Variants in TNPO3 observed in about 807,000 individuals in gnomAD.
TNPO3 encodes transportin-3.
Under a neutral mutation model 122.8 loss-of-function variants are expected in TNPO3, and 65 were observed. The ratio of observed to expected loss-of-function variants is 0.53; its 90% CI spans 0.43 to 0.65. The LOEUF is 0.65. Ranked by LOEUF, TNPO3 falls within the 30% of genes least tolerant of loss-of-function variation. The probability of loss-of-function intolerance (pLI) is 0.00; values close to 1 mark genes in which losing one functional copy is unlikely to be tolerated. For synonymous variants in TNPO3, 372 were observed against 411.2 expected, an observed-to-expected ratio of 0.90 and a Z score of 1.15; for missense variants, 850 against 1,136.7, an observed-to-expected ratio of 0.75 and a Z score of 3.63.
At chr7:128,995,048 C>T (rs552024026) in intron 8 of TNPO3, among the ~76,000 whole-genome samples, 3 of 152,326 alleles carry the variant, frequency 2.0e-5, no homozygotes, top group African/African-American at 7.2e-5. Context: ...GATCCTCCTG[C>T]CTTGGCCTTC....
intron 4 of TNPO3, among the ~76,000 whole-genome samples, chr7:129,009,842 G>T (rs925881110): frequency 6.6e-6 from 1 of 152,194 alleles, no homozygotes; most frequent in Non-Finnish European, 1.5e-5. Context: ...ACCAAACTTA[G>T]TTGTGTGACT....
chr7:128,988,812 C>T (rs1800446820), intron 11 of TNPO3, among the ~76,000 whole-genome samples: 2 of 152,186 alleles, frequency 1.3e-5, no homozygotes, highest in African/African-American at 4.8e-5. Context: ...GGCGTGGTGG[C>T]TCACGCCTGT....
chr7:128,972,137 C>A lies in TNPO3; in HGVS notation c.2430+289G>T, dbSNP rs372005150. Among the ~76,000 whole-genome samples the A allele has an allele frequency of 5.3e-5, 8 of 152,326 alleles. No homozygotes were observed. The East Asian group carries it at 1.3e-3, about 26-fold the overall frequency. ...CTGTTTCAAAAACAAATGAAAAACA[C>A]CAAACACTGGCATCTTGTTGTTACT... On this transcript the variant is annotated intron_variant, in intron 19 of 22. Coordinates refer to ENST00000265388, the MANE Select transcript of TNPO3 (RefSeq NM_012470.4).
chr7:129,049,411 G>A (rs1808440851), intron 1 of TNPO3, among the ~76,000 whole-genome samples: 1 of 152,192 alleles, frequency 6.6e-6, no homozygotes, highest in African/African-American at 2.4e-5. Context: ...CAAATTGGAG[G>A]GGAAAGGTGA....
chr7:129,055,951 C>T (rs1167205291), upstream of TNPO3: 1 of 684,254 alleles, frequency 1.5e-6, no homozygotes, highest in African/African-American at 1.8e-5. Flanking sequence ...GCCTAACAAC[C>T]TTGCCAAGTA....
chr7:128,990,685 T>C (rs892793256), intron 10 of TNPO3, among the ~76,000 whole-genome samples: 4 of 152,222 alleles, frequency 2.6e-5, no homozygotes, highest in Non-Finnish European at 5.9e-5. Flanking sequence ...TGCCCCGATT[T>C]GGAACATGAG....
chr7:129,005,239 A>C, intron 4 of TNPO3, 80 bp from the exon 5 acceptor site: 1 of 1,275,738 alleles, frequency 7.8e-7, no homozygotes, highest in Non-Finnish European at 1.1e-6. Context: ...TACAAGTATA[A>C]TAATGAGAAA....
chr7:128,986,830 CA>C lies in TNPO3; in HGVS notation c.1588del (p.Cys530AlafsTer33). On this transcript the variant is annotated frameshift_variant, in exon 12 of 23. Coordinates refer to ENST00000265388, the MANE Select transcript of TNPO3 (RefSeq NM_012470.4). LOFTEE classifies it high-confidence loss of function. ...AAAGTGCTGAGCCATGTGATCTCGG[CA>C]GACAGAGCAAATGTTATGAATGGCT... ...AKAIHNICSVCRDHMAQHFNG... is the reference protein window; with the variant it reads ...AKAIHNICSVXRDHMAQHFNG... 6.2e-7 allele frequency: 1 copy of C among 1,614,106 alleles called. No individual in the cohort carries two copies. Among genetic ancestry groups the C allele is most frequent in the Non-Finnish European group, 8.5e-7 (1 of 1,180,006 alleles).
At chr7:129,025,504 A>C (rs1467672288) in intron 1 of TNPO3, among the ~76,000 whole-genome samples, 1 of 151,370 alleles carries the variant, frequency 6.6e-6, no homozygotes, top group East Asian at 2.0e-4. Flanking sequence ...TTACCTTTAG[A>C]GGGAGGGAAG....
At chr7:128,973,580 C>T (rs1451471318) in intron 18 of TNPO3, among the ~76,000 whole-genome samples, 1 of 150,256 alleles carries the variant, frequency 6.7e-6, no homozygotes, top group Non-Finnish European at 1.5e-5. Flanking sequence ...ACTAAAAATA[C>T]AAAAAATTAG....
At chr7:129,016,210 C>T (rs922222207) in intron 3 of TNPO3, among the ~76,000 whole-genome samples, 10 of 152,104 alleles carry the variant, frequency 6.6e-5, no homozygotes, top group African/African-American at 2.4e-4. Flanking sequence ...TGAGACCAGC[C>T]TGGCCAAACC....
At chr7:129,013,329 A>G (rs886201247) in intron 4 of TNPO3, among the ~76,000 whole-genome samples, 4 of 152,150 alleles carry the variant, frequency 2.6e-5, no homozygotes, top group African/African-American at 9.7e-5. Flanking sequence ...AAAAGAAACA[A>G]TCAACCAAGT....
At chr7:128,971,156 T>A (rs1798451164) in intron 19 of TNPO3, 1 of 152,066 alleles carries the variant, frequency 6.6e-6, no homozygotes. Flanking sequence ...TTTAATTTTT[T>A]TTTTTCTGAG....
At chr7:129,050,407 G>GT (rs79518897) in intron 1 of TNPO3, among the ~76,000 whole-genome samples, 52,133 of 141,470 alleles carry the variant, frequency 0.37, 11,068 homozygotes, top group Non-Finnish European at 0.47. Context: ...AAAAAGGGTG[G>GT]GGGGGGAATC....
chr7:128,964,183 G>C (rs530438243), intron 21 of TNPO3, among the ~76,000 whole-genome samples: 1 of 152,132 alleles, frequency 6.6e-6, no homozygotes, highest in South Asian at 2.1e-4. Context: ...TGTCGATTTG[G>C]AGATTTAATA....
chr7:129,008,728 T>G (rs1442070995), intron 4 of TNPO3, among the ~76,000 whole-genome samples: 3 of 152,204 alleles, frequency 2.0e-5, no homozygotes, highest in African/African-American at 7.2e-5. Flanking sequence ...TAAGAGCTGA[T>G]ACTCATTCTC....
chr7:129,023,344 C>T (rs1389212009), intron 1 of TNPO3, among the ~76,000 whole-genome samples: 1 of 151,750 alleles, frequency 6.6e-6, no homozygotes, highest in East Asian at 1.9e-4. Context: ...CACTTGTATA[C>T]ATACACGTGT....
In TNPO3 at chr7:128,973,835, AG is replaced by A. The variant is rs1406850004; in HGVS notation, c.2273+1032del. On this transcript the variant is annotated intron_variant, in intron 18 of 22. Coordinates refer to ENST00000265388, the MANE Select transcript of TNPO3 (RefSeq NM_012470.4). ...AAAAAAAAAAGAAAAGGAAAAAAAA[AG>A]GGTTTTTCTAACCTATCCAAAAACT... is the stretch of plus-strand genomic sequence containing the variant. Among the ~76,000 whole-genome samples, 102 of 148,992 alleles carry A rather than the reference AG, an allele frequency of 6.8e-4. 4 individuals carry two copies. In the East Asian group the frequency reaches 7.1e-3, roughly 10 times the overall value.
At position 128,957,230 on chromosome 7, in the gene TNPO3, G is replaced by C; in HGVS notation, c.*25C>G. 1 of 1,613,816 alleles carries C rather than the reference G, an allele frequency of 6.2e-7. No homozygotes were observed. ...GGGAACTATGTATCCTCACCTGGGT[G>C]ACAGGCACAGTGCAGGAGTGTGAGC... On this transcript the variant is annotated 3_prime_UTR_variant, in exon 22 of 23. Coordinates refer to ENST00000265388, the MANE Select transcript of TNPO3 (RefSeq NM_012470.4).
Sources: allele counts gnomAD v4.1 joint callset (sites outside exome capture counted in the v4.1 genomes callset), GRCh38; gene constraint gnomAD v4.1.1; transcripts MANE v1.5; gene names NCBI Gene and HGNC (gene_info 2026-07-23, HGNC 2026-07-21).